DNAH9: variants seen among roughly 807,000 people sequenced by gnomAD.
DNAH9 encodes DNAH9 variant protein.
In DNAH9, 345 loss-of-function variants were observed where a neutral mutation model predicts 471.6. That is an observed-to-expected ratio of 0.73 (90% CI 0.67 to 0.80). The LOEUF is 0.80. Ranked by LOEUF, DNAH9 falls within the 30% of genes least tolerant of loss-of-function variation. The probability of loss-of-function intolerance (pLI) is 0.00; values close to 1 mark genes in which losing one functional copy is unlikely to be tolerated. For synonymous variants in DNAH9, 2,093 were observed against 2,123.6 expected (o/e 0.99, Z 0.40); for missense variants, 5,407 against 5,609.2 (o/e 0.96, Z 1.15).
chr17:11,766,784 GA>G (rs745958717), intron 36 of DNAH9, among the ~76,000 whole-genome samples: 16 of 152,132 alleles, frequency 1.1e-4, no homozygotes, highest in Admixed American at 9.8e-4. Flanking sequence ...ACAATATGGT[GA>G]AACCCCATCT....
At chr17:11,729,758 C>A (rs1328862793) in intron 28 of DNAH9, among the ~76,000 whole-genome samples, 5 of 152,232 alleles carry the variant, frequency 3.3e-5, no homozygotes, top group Non-Finnish European at 4.4e-5. Context: ...TCTGCCCTGG[C>A]AGGAGCCAGC....
At chr17:11,680,032 T>C in intron 18 of DNAH9, 53 bp downstream of exon 18, 5 of 1,454,862 alleles carry the variant, frequency 3.4e-6, no homozygotes, top group Non-Finnish European at 4.8e-6. Context: ...CATTTTAGGA[T>C]TTCAGAATGG....
intron 66 of DNAH9, among the ~76,000 whole-genome samples, chr17:11,940,693 A>G (rs1446979964): frequency 6.6e-6 from 1 of 152,208 alleles, no homozygotes; most frequent in Non-Finnish European, 1.5e-5. Context: ...ACACTTATAT[A>G]GTTCTTCATA....
intron 61 of DNAH9, among the ~76,000 whole-genome samples, chr17:11,911,105 G>A (rs775436629): frequency 5.9e-5 from 9 of 151,938 alleles, no homozygotes; most frequent in Non-Finnish European, 1.2e-4. Flanking sequence ...TTTATAAAAC[G>A]ATTGCCAACC....
chr17:11,732,576 C>T (rs937087228), intron 28 of DNAH9, among the ~76,000 whole-genome samples: 3 of 151,906 alleles, frequency 2.0e-5, no homozygotes, highest in African/African-American at 7.3e-5. Flanking sequence ...AGTGGACATT[C>T]TCATGTCTCC....
chr17:11,730,595 C>A (rs546417777), intron 28 of DNAH9, among the ~76,000 whole-genome samples: 1 of 152,274 alleles, frequency 6.6e-6, no homozygotes, highest in Admixed American at 6.5e-5. Context: ...ATCCATGTCT[C>A]AAGGTCCACA....
In DNAH9 at chr17:11,719,337, C is replaced by T; in HGVS notation, c.5556C>T (p.Cys1852=). ...TATGCCCTCCCGTGTTTGGCAGGTGCTACATCACCCTCACCCAGTCCCTGC... is the reference window on the plus strand; with the variant it reads ...TATGCCCTCCCGTGTTTGGCAGGTGTTACATCACCCTCACCCAGTCCCTGC... ...RLVITPLTDR[C]YITLTQSLHL... Residue 1852 remains cysteine, a synonymous_variant, in exon 27 of 69, where the codon TGC becomes TGT. Coordinates refer to ENST00000262442, the MANE Select transcript of DNAH9 (RefSeq NM_001372.4). 1 of 1,613,814 alleles carries T rather than the reference C, an allele frequency of 6.2e-7. No individual in the cohort carries two copies.
intron 64 of DNAH9, among the ~76,000 whole-genome samples, chr17:11,933,402 T>C (rs3785941): frequency 0.46 from 69,507 of 151,036 alleles, 16,479 homozygotes; most frequent in Middle Eastern, 0.55. Flanking sequence ...TTTTTTGAGA[T>C]GGAGTTTCGC....
intron 53 of DNAH9, among the ~76,000 whole-genome samples, chr17:11,877,422 G>A (rs954756497): frequency 2.9e-5 from 4 of 139,864 alleles, no homozygotes; most frequent in African/African-American, 5.5e-5. Flanking sequence ...GCAGTGAGCC[G>A]AGATCGTGCC....
intron 56 of DNAH9, among the ~76,000 whole-genome samples, chr17:11,886,480 G>T (rs1342704762): frequency 6.6e-6 from 1 of 150,456 alleles, no homozygotes. Flanking sequence ...CCACTGCTTG[G>T]CATTCTAGTT....
rs181282191 is a variant in DNAH9 at position 11,642,447 on chromosome 17, G to C, written c.1901+2063G>C. Among the ~76,000 whole-genome samples, 1,044 of 152,222 alleles carry C rather than the reference G, an allele frequency of 6.9e-3. 8 individuals carry two copies. Among genetic ancestry groups the C allele is most frequent in the Non-Finnish European group, 0.011 (757 of 68,024 alleles). The stretch of plus-strand genomic sequence containing the variant: ...GGCGCCTGTAATCCCAGCTACTCAG[G>C]ACGCTGAGGCAGGAGAATCACTTGA... On this transcript the variant is annotated intron_variant, in intron 10 of 68. Transcript: ENST00000262442.
Position 11,598,639 on chromosome 17 carries a change from G to C in DNAH9, c.141G>C (p.Ala47=). Residue 47 remains alanine (A), a synonymous_variant, in exon 1 of 69, where the codon GCG becomes GCC. Transcript: ENST00000262442. ...RPAAGAWERC[A]GSAEAEQLLQ... ...CTGCGGGCGCCTGGGAGCGTTGCGC[G>C]GGGAGTGCTGAGGCGGAGCAGCTGC... is the stretch of plus-strand genomic sequence containing the variant. 3.0e-6 allele frequency: 4 copies of C among 1,344,604 alleles called. No individual in the cohort carries two copies. The highest frequency in any genetic ancestry group is 3.8e-6 in the Non-Finnish European group (4 of 1,052,658). 83.3% of individuals were successfully genotyped at this position (1,344,604 alleles called of 1,614,324 possible).
At chr17:11,684,373 A>T (rs1303921667) in intron 19 of DNAH9, among the ~76,000 whole-genome samples, 1 of 152,146 alleles carries the variant, frequency 6.6e-6, no homozygotes, top group Non-Finnish European at 1.5e-5. Context: ...CTTAACTCTA[A>T]ATTATAACAC....
At chr17:11,900,016 G>C (rs997192829) in intron 59 of DNAH9, among the ~76,000 whole-genome samples, 1 of 152,024 alleles carries the variant, frequency 6.6e-6, no homozygotes, top group Non-Finnish European at 1.5e-5. Context: ...GGAAAAGGGA[G>C]AGCTTTGTAG....
chr17:11,738,969 C>T lies in DNAH9; in HGVS notation c.5904C>T (p.Ile1968=). ...EEISLNPSVG[I]FITMNPGYAG... ...TCAGCCTGAATCCTTCTGTCGGTAT[C>T]TTCATCACCATGAACCCAGGCTATG... Residue 1968 remains isoleucine (I), a synonymous_variant, in exon 29 of 69, where the codon ATC becomes ATT. Transcript: ENST00000262442. The T allele has an allele frequency of 6.2e-7, 1 of 1,614,096 alleles. No homozygotes were observed. Among genetic ancestry groups the T allele is most frequent in the East Asian group, 2.2e-5 (1 of 44,880 alleles).
At chr17:11,839,632 T>C (rs911119671) in intron 49 of DNAH9, among the ~76,000 whole-genome samples, 13 of 152,178 alleles carry the variant, frequency 8.5e-5, no homozygotes, top group African/African-American at 2.7e-4. Flanking sequence ...CTATAATAAT[T>C]TGGAGTGTGT....
Position 11,744,894 on chromosome 17 carries a change from TGATGCGCTCCTTGCGG to T in DNAH9, c.6213_6228del (p.Met2071IlefsTer8), listed in dbSNP as rs747572654. On this transcript the variant is annotated frameshift_variant, in exon 31 of 69. Coordinates refer to ENST00000262442, the MANE Select transcript of DNAH9 (RefSeq NM_001372.4). LOFTEE classifies it high-confidence loss of function. ...CCTGACCGGCCTGAGGACCAGGTCC[TGATGCGCTCCTTGCGG>T]GATTTCAACATCCCCAAGATTGTGA... 1.9e-6 allele frequency: 3 copies of T among 1,614,232 alleles called. No individual in the cohort carries two copies. In the Admixed American group the frequency reaches 5.0e-5, roughly 27 times the overall value.
chr17:11,723,919 C>G (rs1001741516), intron 27 of DNAH9, among the ~76,000 whole-genome samples: 1 of 152,020 alleles, frequency 6.6e-6, no homozygotes, highest in African/African-American at 2.4e-5. Context: ...GTGATCCGCC[C>G]GCCTCAGCCT....
chr17:11,612,342 C>A, intron 4 of DNAH9: 1 of 187,072 alleles, frequency 5.3e-6, no homozygotes, highest in Non-Finnish European at 1.1e-5. Flanking sequence ...ACCTCCCTGG[C>A]ACGCTGGGAA....
Sources: gnomAD v4.1 joint callset for allele counts (sites outside exome capture counted in the v4.1 genomes callset) on GRCh38, gnomAD v4.1.1 for gene constraint, MANE v1.5 for transcripts, NCBI Gene and HGNC (gene_info 2026-07-23, HGNC 2026-07-21) for gene names.